The following MMP26 variants were observed in gnomAD, a reference collection of about 807,000 sequenced individuals.
The protein encoded by MMP26 is matrix metallopeptidase 26.
A neutral mutation model predicts 31.0 loss-of-function variants in MMP26; 33 were observed. The ratio of observed to expected loss-of-function variants is 1.06; its 90% CI spans 0.81 to 1.42. The LOEUF (loss-of-function observed/expected upper bound fraction) is 1.42. Among genes scored for constraint, MMP26 ranks in the 40% most tolerant of loss-of-function variants. The probability of loss-of-function intolerance (pLI) is 0.00; values close to 1 mark genes in which losing one functional copy is unlikely to be tolerated. For synonymous variants in MMP26, 122 were observed against 114.9 expected, an observed-to-expected ratio of 1.06 and a Z score of -0.40; for missense variants, 347 against 316.1, an observed-to-expected ratio of 1.10 and a Z score of -0.74.
intron 2 of MMP26, chr11:4,890,679 G>A (rs571379381): frequency 6.6e-5 from 10 of 152,104 alleles, no homozygotes; most frequent in African/African-American, 2.4e-4. Flanking sequence ...CTTTCAGCAC[G>A]TTTGTCTATG....
intron 1 of MMP26, among the ~76,000 whole-genome samples, chr11:4,740,026 G>C (rs924291109): frequency 6.6e-6 from 1 of 152,134 alleles, no homozygotes; most frequent in Admixed American, 6.5e-5. Flanking sequence ...ATGGATTATA[G>C]TGAGTATGGA....
chr11:4,883,828 T>C (rs1850511841), intron 2 of MMP26, among the ~76,000 whole-genome samples: 1 of 152,136 alleles, frequency 6.6e-6, no homozygotes, highest in Non-Finnish European at 1.5e-5. Context: ...ACAGGGTTGT[T>C]AGGGTGCTGG....
intron 1 of MMP26, chr11:4,723,854 C>T: frequency 1.4e-6 from 2 of 1,453,728 alleles, no homozygotes; most frequent in Non-Finnish European, 1.9e-6. Flanking sequence ...CGTACCTTGT[C>T]TATGAAGGAG....
intron 2 of MMP26, chr11:4,881,893 A>G (rs1850469016): frequency 6.2e-7 from 1 of 1,609,080 alleles, no homozygotes; most frequent in Non-Finnish European, 8.5e-7. Context: ...AGTGTCTTCA[A>G]CCAACCATGG....
intron 2 of MMP26, among the ~76,000 whole-genome samples, chr11:4,883,158 G>A (rs1589928876): frequency 6.6e-6 from 1 of 151,986 alleles, no homozygotes; most frequent in Non-Finnish European, 1.5e-5. Context: ...TTAATATAGT[G>A]GAAAACTTTA....
chr11:4,837,212 A>G (rs1564791159), intron 2 of MMP26, among the ~76,000 whole-genome samples: 2 of 152,040 alleles, frequency 1.3e-5, no homozygotes, highest in Admixed American at 6.6e-5. Flanking sequence ...CCAACCTAAC[A>G]TTTATTTATT....
intron 1 of MMP26, among the ~76,000 whole-genome samples, chr11:4,754,829 C>T (rs1589891331): frequency 7.5e-6 from 1 of 132,668 alleles, no homozygotes; most frequent in South Asian, 2.5e-4. Flanking sequence ...AATATTAGAG[C>T]CACATGTCTA....
At chr11:4,917,614 T>C (rs1186598022) in intron 2 of MMP26, among the ~76,000 whole-genome samples, 2 of 152,220 alleles carry the variant, frequency 1.3e-5, no homozygotes, top group East Asian at 3.9e-4. Context: ...CACACCGTGC[T>C]CCTCAGCTTC....
intron 1 of MMP26, among the ~76,000 whole-genome samples, chr11:4,757,260 C>T (rs1236551982): frequency 6.6e-6 from 1 of 151,352 alleles, no homozygotes; most frequent in Non-Finnish European, 1.5e-5. Flanking sequence ...GGTGCTAGAA[C>T]AATTAAATAT....
intron 2 of MMP26, among the ~76,000 whole-genome samples, chr11:4,906,350 A>G (rs1383117900): frequency 6.6e-6 from 1 of 152,232 alleles, no homozygotes; most frequent in Admixed American, 6.5e-5. Context: ...TAAATATCAA[A>G]ACCTACCAAG....
intron 4 of MMP26, 47 bp downstream of exon 4, chr11:4,989,915 C>T: frequency 6.7e-7 from 1 of 1,490,810 alleles, no homozygotes; most frequent in Non-Finnish European, 9.2e-7. Flanking sequence ...GTGATGACCT[C>T]AAAGGGCTTT....
intron 1 of MMP26, among the ~76,000 whole-genome samples, chr11:4,755,130 T>C (rs2133304479): frequency 6.6e-6 from 1 of 152,076 alleles, no homozygotes; most frequent in Admixed American, 6.6e-5. Flanking sequence ...CGCTATCAGT[T>C]TTTTCTAAGA....
intron 2 of MMP26, among the ~76,000 whole-genome samples, chr11:4,940,396 G>A (rs1846190275): frequency 6.6e-6 from 1 of 152,002 alleles, no homozygotes; most frequent in Admixed American, 6.6e-5. Flanking sequence ...TATTTTTCTT[G>A]TTAATTTAAC....
At chr11:4,822,469 G>A in intron 2 of MMP26, 1 of 1,218,516 alleles carries the variant, frequency 8.2e-7, no homozygotes, top group African/African-American at 1.5e-5. Flanking sequence ...GCCTCCAACA[G>A]TCCAAACTAA....
intron 2 of MMP26, among the ~76,000 whole-genome samples, chr11:4,805,378 T>C (rs550572360): frequency 1.5e-4 from 23 of 152,330 alleles, no homozygotes; most frequent in African/African-American, 5.5e-4. Context: ...TTTTGAGAAA[T>C]TGTGGCCTAT....
chr11:4,928,494 C>T (rs1323138323), intron 2 of MMP26, among the ~76,000 whole-genome samples: 1 of 152,110 alleles, frequency 6.6e-6, no homozygotes, highest in East Asian at 1.9e-4. Flanking sequence ...TTGGAATAAA[C>T]ATCTGAACAG....
rs148564229 is a variant in MMP26 at position 4,808,790 on chromosome 11, G to C, written c.-145+41449G>C. On this transcript the variant is annotated intron_variant, in intron 2 of 7. Coordinates refer to ENST00000380390, the MANE Select transcript of MMP26 (RefSeq NM_021801.5). ...TTTTTTTTTGGTGGACAATGGAGGAGCAGGGCTGCCCTGGTATCCAAGACT... is the reference window on the plus strand; with the variant it reads ...TTTTTTTTTGGTGGACAATGGAGGACCAGGGCTGCCCTGGTATCCAAGACT... 3.4e-3 allele frequency among the ~76,000 whole-genome samples: 513 copies of C among 150,190 alleles called. 5 individuals are homozygous for C. The highest frequency in any genetic ancestry group is 0.012 in the African/African-American group (497 of 40,708).
intron 2 of MMP26, among the ~76,000 whole-genome samples, chr11:4,982,891 A>G (rs185901870): frequency 6.6e-6 from 1 of 152,192 alleles, no homozygotes; most frequent in African/African-American, 2.4e-5. Context: ...TGTAAGGTCC[A>G]GGTTACATCA....
intron 2 of MMP26, among the ~76,000 whole-genome samples, chr11:4,774,841 C>T (rs1848770173): frequency 6.6e-6 from 1 of 152,102 alleles, no homozygotes; most frequent in Non-Finnish European, 1.5e-5. Flanking sequence ...CAATTTTTTG[C>T]AAATGGATAG....
Sources: allele counts gnomAD v4.1 joint callset (sites outside exome capture counted in the v4.1 genomes callset), GRCh38; gene constraint gnomAD v4.1.1; transcripts MANE v1.5; gene names NCBI Gene and HGNC (gene_info 2026-07-23, HGNC 2026-07-21).